SSH2: variants seen among roughly 807,000 people sequenced by gnomAD.
The protein encoded by SSH2 is protein phosphatase Slingshot homolog 2.
Under a neutral mutation model 135.2 loss-of-function variants are expected in SSH2, and 37 were observed. The ratio of observed to expected loss-of-function variants is 0.27; its 90% confidence interval spans 0.21 to 0.36. The LOEUF is 0.36. SSH2 is among the 10% of genes least tolerant of loss of function. The pLI is 1.00. For synonymous variants in SSH2, 628 were observed against 646.2 expected (o/e 0.97, Z 0.43); for missense variants, 1,408 against 1,765.3 (o/e 0.80, Z 3.63).
intron 3 of SSH2, among the ~76,000 whole-genome samples, chr17:29,767,776 A>G (rs1195026045): frequency 1.3e-5 from 2 of 152,144 alleles, no homozygotes; most frequent in Non-Finnish European, 2.9e-5. Context: ...TTGTACAATC[A>G]TATATAATCT....
chr17:29,733,926 T>TTTG (rs1379952878), intron 3 of SSH2, among the ~76,000 whole-genome samples: 67 of 150,800 alleles, frequency 4.4e-4, no homozygotes, highest in African/African-American at 1.6e-3. Context: ...TTTTTTTTTT[T>TTTG]TTGAGATGGA....
rs533409366 is a variant in SSH2, at chr17:29,723,103, TGCAAGATATCCCATCTCTGTGG to T, written c.189-20063_189-20042del. 1.0e-3 allele frequency among the ~76,000 whole-genome samples: 157 copies of T among 152,276 alleles called. 1 individual carries two copies. Among genetic ancestry groups the T allele is most frequent in the Middle Eastern group, 0.01 (3 of 294 alleles). On this transcript the variant is annotated intron_variant, in intron 3 of 15. Transcript: ENST00000540801. ...CTGTCAGTAGCACTACTTAGCTCTA[TGCAAGATATCCCATCTCTGTGG>T]GCAAGATATCCCATCTCTGTGGGAG... is the stretch of plus-strand genomic sequence containing the variant.
chr17:29,783,042 A>T (rs1320106562), intron 3 of SSH2, among the ~76,000 whole-genome samples: 1 of 151,966 alleles, frequency 6.6e-6, no homozygotes, highest in Non-Finnish European at 1.5e-5. Flanking sequence ...TTTGGTATAA[A>T]GGATAATTTG....
In SSH2 at chr17:29,798,060, C is replaced by T. The variant is rs150878049; in HGVS notation, c.145-4123G>A. The stretch of plus-strand genomic sequence containing the variant: ...TTACACCGCTTTATACCCTCATCAA[C>T]AATGCGTGAGAGTTATAACTTAACT... On this transcript the variant is annotated intron_variant, in intron 2 of 15. Coordinates refer to ENST00000540801, the MANE Select transcript of SSH2 (RefSeq NM_001282129.2). Among the ~76,000 whole-genome samples the T allele has an allele frequency of 1.8e-4, 28 of 152,264 alleles. 1 individual carries two copies. In the South Asian group the frequency reaches 2.5e-3, roughly 14 times the overall value.
intron 15 of SSH2, among the ~76,000 whole-genome samples, chr17:29,633,336 G>A (rs2035768547): frequency 1.3e-5 from 2 of 152,196 alleles, no homozygotes; most frequent in Non-Finnish European, 2.9e-5. Flanking sequence ...TCAACTTCTA[G>A]TTTGATCCTA....
At chr17:29,653,880 G>A (rs1180184978) in intron 12 of SSH2, among the ~76,000 whole-genome samples, 1 of 152,172 alleles carries the variant, frequency 6.6e-6, no homozygotes, top group East Asian at 1.9e-4. Context: ...GAGCTACTAT[G>A]CCTGGCCAGA....
Position 29,671,178 on chromosome 17 carries a change from T to A in SSH2, c.809+757A>T, listed in dbSNP as rs1470305. On this transcript the variant is annotated intron_variant, in intron 9 of 15. Transcript: ENST00000540801. ...TGAATGATAAAATATTTAAAAAAAATTTTTTAAGTTAAAAATTAGCAGGCT... is the reference window on the plus strand; with the variant it reads ...TGAATGATAAAATATTTAAAAAAAAATTTTTAAGTTAAAAATTAGCAGGCT... Among the ~76,000 whole-genome samples the A allele has an allele frequency of 9.6e-3, 1,442 of 149,708 alleles. 61 individuals carry two copies. Among genetic ancestry groups the A allele is most frequent in the Admixed American group, 0.071 (1,069 of 15,102 alleles).
At chr17:29,663,350 T>A (rs1197034388) in intron 11 of SSH2, among the ~76,000 whole-genome samples, 1 of 152,212 alleles carries the variant, frequency 6.6e-6, no homozygotes, top group Non-Finnish European at 1.5e-5. Flanking sequence ...CACTTGCAGC[T>A]AGAATGCCTC....
Position 29,658,307 on chromosome 17 carries a change from T to TA in SSH2, c.1033-2701dup, listed in dbSNP as rs572398332. 2.8e-4 allele frequency among the ~76,000 whole-genome samples: 43 copies of TA among 152,022 alleles called. 1 individual carries two copies. In the South Asian group the frequency reaches 8.7e-3, roughly 31 times the overall value. On this transcript the variant is annotated intron_variant, in intron 11 of 15. Coordinates refer to ENST00000540801, the MANE Select transcript of SSH2 (RefSeq NM_001282129.2). ...AGGCATGAGCCATTGTGCCCAGCTG[T>TA]ATTTTCTTTTTTAAGAGGTGGGTCT...
intron 3 of SSH2, among the ~76,000 whole-genome samples, chr17:29,728,396 T>G (rs1207078696): frequency 6.6e-6 from 1 of 152,088 alleles, no homozygotes; most frequent in Admixed American, 6.5e-5. Flanking sequence ...GTGAAAGAAA[T>G]TGAAGACGAC....
At chr17:29,700,712 CA>C (rs1218455194) in intron 4 of SSH2, among the ~76,000 whole-genome samples, 11 of 152,302 alleles carry the variant, frequency 7.2e-5, no homozygotes, top group African/African-American at 2.6e-4. Flanking sequence ...ATACCATCAC[CA>C]GACAGTAGAA....
intron 1 of SSH2, among the ~76,000 whole-genome samples, chr17:29,901,834 C>T (rs1301074860): frequency 2.0e-5 from 3 of 151,864 alleles, no homozygotes; most frequent in East Asian, 1.9e-4. Flanking sequence ...TAGGCTGGAA[C>T]GCAATGGCAT....
intron 3 of SSH2, among the ~76,000 whole-genome samples, chr17:29,771,368 A>C (rs1271874827): frequency 6.6e-6 from 1 of 152,236 alleles, no homozygotes; most frequent in Non-Finnish European, 1.5e-5. Context: ...CACTAAATAC[A>C]TCCTGGTTAG....
chr17:29,876,815 T>A (rs558045297), intron 1 of SSH2, among the ~76,000 whole-genome samples: 2 of 151,920 alleles, frequency 1.3e-5, no homozygotes, highest in South Asian at 4.2e-4. Flanking sequence ...TGGGCAAAGA[T>A]TTCTTGAGTA....
At chr17:29,683,920 C>T (rs925524802) in intron 6 of SSH2, among the ~76,000 whole-genome samples, 9 of 152,066 alleles carry the variant, frequency 5.9e-5, no homozygotes, top group African/African-American at 1.9e-4. Context: ...GGCACTTCAG[C>T]CTGGGCAGCA....
chr17:29,813,517 C>T (rs1329821898), intron 2 of SSH2, among the ~76,000 whole-genome samples: 1 of 151,354 alleles, frequency 6.6e-6, no homozygotes, highest in African/African-American at 2.4e-5. Context: ...TATATTTTCC[C>T]TAAAAAAATC....
chr17:29,692,828 G>T (rs1228259435), intron 5 of SSH2, among the ~76,000 whole-genome samples: 1 of 152,186 alleles, frequency 6.6e-6, no homozygotes, highest in Admixed American at 6.5e-5. Context: ...TTCGAAACTG[G>T]CTTAAAAATA....
rs562143681 is a variant in SSH2 at position 29,802,192 on chromosome 17, C to CTCAT, written c.145-8259_145-8256dup. 3.3e-3 allele frequency among the ~76,000 whole-genome samples: 494 copies of CTCAT among 151,564 alleles called. 1 individual carries two copies. Among genetic ancestry groups the CTCAT allele is most frequent in the African/African-American group, 0.012 (479 of 40,898 alleles). ...GCTCTCAATTATATATTCATTCATT[C>CTCAT]TCATTCATTCATTCATTCAACATTC... On this transcript the variant is annotated intron_variant, in intron 2 of 15. Coordinates refer to ENST00000540801, the MANE Select transcript of SSH2 (RefSeq NM_001282129.2).
chr17:29,849,264 G>A (rs2065503234), intron 1 of SSH2, among the ~76,000 whole-genome samples: 2 of 152,022 alleles, frequency 1.3e-5, no homozygotes. Context: ...AGGATCACAA[G>A]GTCAGGAGAT....
Sources: allele counts gnomAD v4.1 joint callset (sites outside exome capture counted in the v4.1 genomes callset), GRCh38; gene constraint gnomAD v4.1.1; transcripts MANE v1.5; gene names NCBI Gene and HGNC (gene_info 2026-07-23, HGNC 2026-07-21).